FGF14: variants seen among roughly 807,000 people sequenced by gnomAD.
FGF14 encodes fibroblast growth factor homologous factor 4.
A neutral mutation model predicts 25.5 loss-of-function variants in FGF14; 5 were observed. The observed-to-expected ratio is 0.20, with a 90% CI of 0.10 to 0.41. FGF14 has a LOEUF of 0.41. FGF14 is among the 10% of genes least tolerant of loss of function. The pLI, the probability that FGF14 is intolerant of heterozygous loss-of-function variation, is 1.00. For synonymous variants in FGF14, 138 were observed against 118.3 expected (o/e 1.17, Z -1.08); for missense variants, 222 against 320.1 (o/e 0.69, Z 2.34).
chr13:102,014,949 T>A (rs1014283981), intron 1 of FGF14, among the ~76,000 whole-genome samples: 2 of 152,206 alleles, frequency 1.3e-5, no homozygotes, highest in African/African-American at 2.4e-5. Context: ...AGACAGAGTT[T>A]CATGCTTGTT....
At chr13:102,063,053 T>C (rs577331686) in intron 1 of FGF14, among the ~76,000 whole-genome samples, 63 of 152,304 alleles carry the variant, frequency 4.1e-4, no homozygotes, top group African/African-American at 1.5e-3. Flanking sequence ...GAATCTATAA[T>C]AAAATAATGA....
chr13:102,200,819 C>T (rs992354329), intron 1 of FGF14, among the ~76,000 whole-genome samples: 2 of 151,966 alleles, frequency 1.3e-5, no homozygotes, highest in Admixed American at 6.6e-5. Flanking sequence ...ATATAAACAA[C>T]AGCATTGAGG....
intron 1 of FGF14, among the ~76,000 whole-genome samples, chr13:102,269,662 T>G (rs9554861): frequency 0.12 from 18,503 of 152,150 alleles, 1,481 homozygotes; most frequent in East Asian, 0.39. Context: ...TAGCTAGGAC[T>G]GCCAGGCATG....
chr13:102,049,753 A>C (rs1028661965), intron 1 of FGF14, among the ~76,000 whole-genome samples: 11 of 151,906 alleles, frequency 7.2e-5, no homozygotes, highest in African/African-American at 1.7e-4. Flanking sequence ...GCACCCCCCC[A>C]CACACAAACA....
intron 1 of FGF14, among the ~76,000 whole-genome samples, chr13:102,030,475 A>C (rs2139930683): frequency 6.6e-6 from 1 of 152,222 alleles, no homozygotes; most frequent in South Asian, 2.1e-4. Flanking sequence ...GAAAAGGTCA[A>C]GTTCTTGAGA....
intron 1 of FGF14, among the ~76,000 whole-genome samples, chr13:102,234,113 T>C: frequency 6.6e-6 from 1 of 152,140 alleles, no homozygotes; most frequent in Non-Finnish European, 1.5e-5. Flanking sequence ...GCTCTAGAGA[T>C]GGAAGGTGGT....
At chr13:101,996,536 G>T (rs868184519) in intron 1 of FGF14, among the ~76,000 whole-genome samples, 1 of 152,096 alleles carries the variant, frequency 6.6e-6, no homozygotes, top group East Asian at 1.9e-4. Flanking sequence ...TTTGGGGGAT[G>T]GATAAAGAAA....
At chr13:101,911,563 G>A (rs1391947874) in intron 1 of FGF14, among the ~76,000 whole-genome samples, 1 of 152,086 alleles carries the variant, frequency 6.6e-6, no homozygotes, top group African/African-American at 2.4e-5. Context: ...TAACAATTAA[G>A]CCACAGGAGG....
intron 3 of FGF14, among the ~76,000 whole-genome samples, chr13:101,830,546 C>T (rs1377858301): frequency 2.0e-5 from 3 of 152,078 alleles, no homozygotes; most frequent in East Asian, 1.9e-4. Flanking sequence ...CCTCAAGAGG[C>T]GAATTTCGTG....
At chr13:101,918,494 C>G (rs1360179060), upstream of FGF14, among the ~76,000 whole-genome samples, 1 of 152,162 alleles carries the variant, frequency 6.6e-6, no homozygotes, top group Non-Finnish European at 1.5e-5. Flanking sequence ...TGCTTTAGAG[C>G]TGGAAAGAGG....
At chr13:102,131,951 C>T (rs528128819) in intron 1 of FGF14, among the ~76,000 whole-genome samples, 46 of 152,176 alleles carry the variant, frequency 3.0e-4, no homozygotes, top group Non-Finnish European at 5.6e-4. Flanking sequence ...AGTACTCTTA[C>T]GTCCTTGTAA....
intron 1 of FGF14, among the ~76,000 whole-genome samples, chr13:102,179,711 C>T (rs1388655160): frequency 2.6e-5 from 4 of 152,120 alleles, no homozygotes; most frequent in African/African-American, 9.7e-5. Flanking sequence ...CCAAAGACCA[C>T]ATTCTTTATC....
intron 1 of FGF14, among the ~76,000 whole-genome samples, chr13:101,894,126 G>T (rs1030215854): frequency 3.3e-5 from 5 of 151,772 alleles, no homozygotes; most frequent in African/African-American, 1.2e-4. Flanking sequence ...TAGCCCTTTA[G>T]AGTTTTAAAG....
chr13:101,897,269 T>G (rs562038136), intron 1 of FGF14, among the ~76,000 whole-genome samples: 131 of 152,248 alleles, frequency 8.6e-4, no homozygotes, highest in African/African-American at 3.0e-3. Context: ...TTAAGCAGAA[T>G]AGATAGAATT....
chr13:102,073,719 T>C (rs1189344047), intron 1 of FGF14, among the ~76,000 whole-genome samples: 1 of 152,208 alleles, frequency 6.6e-6, no homozygotes, highest in African/African-American at 2.4e-5. Context: ...AAGATCTCTC[T>C]GTCATGTAAT....
chr13:102,124,204 G>A (rs1185578369), intron 1 of FGF14, among the ~76,000 whole-genome samples: 1 of 152,128 alleles, frequency 6.6e-6, no homozygotes, highest in Non-Finnish European at 1.5e-5. Flanking sequence ...TTAAAAAGCT[G>A]TCCCACTTGA....
intron 1 of FGF14, among the ~76,000 whole-genome samples, chr13:102,296,024 G>A (rs2054690612): frequency 6.6e-6 from 1 of 152,170 alleles, no homozygotes; most frequent in Non-Finnish European, 1.5e-5. Flanking sequence ...TGGTTATGTA[G>A]AACTGAGTTT....
rs1427655080 is a variant in FGF14, at chr13:101,762,890, CTA to C, written c.409-36082_409-36081del. ...TCTTGCCCAGAGGAATATTTTCATG[CTA>C]GTCAGTAGGTTGTATTTAGGCAGGC... On this transcript the variant is annotated intron_variant, in intron 3 of 4. Transcript: ENST00000376143. 1.1e-4 allele frequency among the ~76,000 whole-genome samples: 16 copies of C among 152,264 alleles called. No homozygotes were observed. The East Asian group carries it at 1.5e-3, about 15-fold the overall frequency.
At chr13:102,289,629 C>T (rs530262330) in intron 1 of FGF14, among the ~76,000 whole-genome samples, 4 of 152,062 alleles carry the variant, frequency 2.6e-5, no homozygotes, top group East Asian at 1.9e-4. Flanking sequence ...GAGGGTTGTA[C>T]GAAAACCAGT....
Sources: allele counts gnomAD v4.1 joint callset (sites outside exome capture counted in the v4.1 genomes callset), GRCh38; gene constraint gnomAD v4.1.1; transcripts MANE v1.5; gene names NCBI Gene and HGNC (gene_info 2026-07-23, HGNC 2026-07-21).